The following RTEL1 variants were observed in gnomAD, a reference collection of about 807,000 sequenced individuals.
The protein encoded by RTEL1 is regulator of telomere elongation helicase 1, also known as regulator of telomere length.
RTEL1 carries 86 observed loss-of-function variants against 162.2 expected under a neutral mutation model. The ratio of observed to expected loss-of-function variants is 0.53; its 90% confidence interval spans 0.45 to 0.63. The LOEUF (loss-of-function observed/expected upper bound fraction) is 0.63, where lower values mean the gene tolerates loss of function less well. Ranked by LOEUF, RTEL1 falls within the 30% of genes least tolerant of loss-of-function variation. RTEL1 has a pLI of 0.00. For synonymous variants in RTEL1, 958 were observed against 717.9 expected (o/e 1.33, Z -5.35); for missense variants, 1,941 against 1,750.2 (o/e 1.11, Z -1.95).
chr20:63,694,493 C>T lies in RTEL1; in HGVS notation c.3109+5C>T, dbSNP rs372267276. ...CGCCCAGGCCACCCCCAACAGGTAG[C>T]TGACTCCTGAACCGTGTGCAGCCTA... On this transcript the variant is annotated splice_donor_5th_base_variant and intron_variant, in intron 31 of 34. Transcript: ENST00000360203. The T allele has an allele frequency of 3.7e-5, 58 of 1,587,630 alleles. No homozygotes were observed. The highest frequency in any genetic ancestry group is 4.7e-5 in the Non-Finnish European group (55 of 1,159,484).
chr20:63,688,873 G>A, intron 21 of RTEL1, 182 bp from the exon 22 acceptor site: 1 of 692,568 alleles, frequency 1.4e-6, no homozygotes, highest in Non-Finnish European at 2.5e-6. Flanking sequence ...TGTTTTCTGG[G>A]AAGCACTGAG....
chr20:63,677,919 G>A (rs2090388665), intron 10 of RTEL1, among the ~76,000 whole-genome samples: 1 of 102,076 alleles, frequency 9.8e-6, no homozygotes, highest in African/African-American at 4.0e-5. Flanking sequence ...GGCCTGCACG[G>A]ATTCTGTGTG....
chr20:63,689,019 G>T (rs777426860), intron 21 of RTEL1, 36 bp from the exon 22 acceptor site: 6 of 1,575,052 alleles, frequency 3.8e-6, no homozygotes, highest in South Asian at 2.2e-5. Context: ...GGCTGGGGGG[G>T]GGCTCCAGGC....
chr20:63,662,692 C>G, intron 5 of RTEL1, 65 bp downstream of exon 5: 2 of 1,606,170 alleles, frequency 1.2e-6, no homozygotes, highest in Non-Finnish European at 1.7e-6. Context: ...GTGTCCAGAG[C>G]CCCAGGCTGC....
intron 30 of RTEL1, 82 bp downstream of exon 30, chr20:63,693,365 C>CA: frequency 1.3e-6 from 2 of 1,545,174 alleles, no homozygotes; most frequent in South Asian, 2.3e-5. Flanking sequence ...TTGGGGTGGG[C>CA]ATCCTCGGGC....
rs1337456575 is a variant in RTEL1 at position 63,661,195 on chromosome 20, T to C, written c.103-103T>C. 5.6e-6 allele frequency: 6 copies of C among 1,078,996 alleles called. No individual in the cohort carries two copies. Among genetic ancestry groups the C allele is most frequent in the Admixed American group, 4.4e-5 (2 of 45,830 alleles). The allele number at this position is 1,078,996 out of a possible 1,614,324, so 66.8% of individuals were successfully genotyped here. ...GCCACCTGGCAGTGGCCTCTGCATCTGCAAAGAGCTGCCCGCTGGCTGCCG... is the reference window on the plus strand; with the variant it reads ...GCCACCTGGCAGTGGCCTCTGCATCCGCAAAGAGCTGCCCGCTGGCTGCCG... On this transcript the variant is annotated intron_variant, in intron 2 of 34. Transcript: ENST00000360203. The surrounding 1 kb of genome is among the most constrained non-coding windows in gnomAD (Gnocchi z 5.1).
chr20:63,689,717 G>C, intron 23 of RTEL1, 33 bp from the exon 24 acceptor site: 1 of 1,606,664 alleles, frequency 6.2e-7, no homozygotes, highest in South Asian at 1.1e-5. Flanking sequence ...GTGGCCAAGG[G>C]AGCCCCCGTG....
chr20:63,678,425 T>C, intron 12 of RTEL1, 79 bp downstream of exon 12: 1 of 1,360,028 alleles, frequency 7.4e-7, no homozygotes, highest in Non-Finnish European at 1.0e-6. Flanking sequence ...TCCTGGGCTG[T>C]CACATCACGA....
intron 30 of RTEL1, among the ~76,000 whole-genome samples, chr20:63,693,912 C>T (rs1345215574): frequency 6.6e-6 from 1 of 150,874 alleles, no homozygotes; most frequent in Non-Finnish European, 1.5e-5. Context: ...GTCAACTGCA[C>T]ACGCCAGGGT....
chr20:63,695,820 C>G lies in RTEL1; in HGVS notation c.3865C>G (p.Gln1289Glu). The change falls in exon 35 of 35, where the codon CAG becomes GAG. Residue 1289 changes from glutamine to glutamate, a missense_variant. By Grantham distance (29) the Gln-to-Glu change is conservative. Transcript: ENST00000360203. ...AGCCTGCCACACCGCCTCCAGGAAG[C>G]AGAGCGTCATGCAGGTCTTCTGGCC... Reference protein sequence around the residue: ...CPACHTASRKQSVMQVFWPEP... With the variant: ...CPACHTASRKESVMQVFWPEP... The G allele has an allele frequency of 6.2e-7, 1 of 1,600,528 alleles. No individual in the cohort carries two copies. Among genetic ancestry groups the G allele is most frequent in the Non-Finnish European group, 8.5e-7 (1 of 1,174,984 alleles).
intron 20 of RTEL1, 43 bp downstream of exon 20, chr20:63,688,429 G>C: frequency 6.2e-7 from 1 of 1,607,432 alleles, no homozygotes; most frequent in Non-Finnish European, 8.5e-7. Flanking sequence ...TGAGGGCAGG[G>C]CTGGAGCATG....
chr20:63,672,941 C>T (rs1289019068), intron 9 of RTEL1, among the ~76,000 whole-genome samples: 1 of 152,220 alleles, frequency 6.6e-6, no homozygotes, highest in African/African-American at 2.4e-5. Flanking sequence ...TCGGCAGCAG[C>T]AGGCTTGTGG....
In RTEL1 at chr20:63,692,949, G is replaced by T. The variant is rs781430438; in HGVS notation, c.2797G>T (p.Ala933Ser). The T allele has an allele frequency of 1.2e-5, 20 of 1,612,514 alleles. No homozygotes were observed. In the Admixed American group the frequency reaches 3.3e-4, roughly 27 times the overall value. Reference sequence around the variant, plus strand: ...TTCCGATGACTTCGCCGCCCTGGCCGCCTGTCTCGGCCCCCTCTTTGCTGA... The same window carrying T: ...TTCCGATGACTTCGCCGCCCTGGCCTCCTGTCTCGGCCCCCTCTTTGCTGA... ...KGSDDFAALA[A>S]CLGPLFAEDP... is the part of the protein sequence containing the mutation. The change falls in exon 29 of 35, where the codon GCC becomes TCC. Residue 933 changes from alanine to serine, a missense_variant. By Grantham distance (99) the Ala-to-Ser change is moderately conservative. Coordinates refer to ENST00000360203, the MANE Select transcript of RTEL1 (RefSeq NM_001283009.2).
At chr20:63,660,186 C>T (rs1229419875) in intron 2 of RTEL1, among the ~76,000 whole-genome samples, 3 of 152,224 alleles carry the variant, frequency 2.0e-5, no homozygotes, top group Admixed American at 2.0e-4. Flanking sequence ...CAGGGGCAGG[C>T]AGGAGACAGT....
At chr20:63,693,434 C>A in intron 30 of RTEL1, 151 bp downstream of exon 30, 1 of 828,012 alleles carries the variant, frequency 1.2e-6, no homozygotes, top group Non-Finnish European at 1.9e-6. Context: ...CCACCTCCAC[C>A]ACCAGCACCA....
rs762388949 is a variant in RTEL1, at chr20:63,662,613, A to G, written c.463A>G (p.Ser155Gly). Reference sequence around the variant, plus strand: ...CCATCCTGAGGTGAAGAAACAAGAGAGTAACCATCTACAGGTAGGCTCCTG... The same window carrying G: ...CCATCCTGAGGTGAAGAAACAAGAGGGTAACCATCTACAGGTAGGCTCCTG... ...CIHPEVKKQESNHLQIHLCRK... is the reference protein window; with the variant it reads ...CIHPEVKKQEGNHLQIHLCRK... Residue 155 changes from serine to glycine, a missense_variant, in exon 5 of 35, where the codon AGT (serine) becomes GGT (glycine). Transcript: ENST00000360203. The G allele has an allele frequency of 2.1e-5, 34 of 1,613,962 alleles. No individual in the cohort carries two copies. The highest frequency in any genetic ancestry group is 3.3e-4 in the Middle Eastern group (2 of 6,062).
Position 63,692,906 on chromosome 20 carries a change from C to T in RTEL1, c.2754C>T (p.Ala918=). 1 of 1,612,680 alleles carries T rather than the reference C, an allele frequency of 6.2e-7. No individual in the cohort carries two copies. Among genetic ancestry groups the T allele is most frequent in the South Asian group, 1.1e-5 (1 of 91,090 alleles). The change falls in exon 29 of 35, where the codon GCC becomes GCT. Residue 918 remains alanine (A), a synonymous_variant. Coordinates refer to ENST00000360203, the MANE Select transcript of RTEL1 (RefSeq NM_001283009.2). ...CCAACTTTGCCACCTTCACCCAGGC[C>T]CTGCAGGACTACAAGGGTTCCGATG... The part of the protein sequence containing the change: ...SQANFATFTQ[A]LQDYKGSDDF...
At chr20:63,666,946 T>C (rs1277455253) in intron 7 of RTEL1, among the ~76,000 whole-genome samples, 2 of 151,112 alleles carry the variant, frequency 1.3e-5, no homozygotes, top group Admixed American at 6.6e-5. Context: ...TTCACGCCAT[T>C]CTCCTGCCTC....
chr20:63,694,237 G>A (rs1234722929), intron 30 of RTEL1, 135 bp from the exon 31 acceptor site: 6 of 740,558 alleles, frequency 8.1e-6, no homozygotes, highest in East Asian at 2.5e-5. Flanking sequence ...GCACCCAGGC[G>A]TGTACCTGCC....
Sources: allele counts gnomAD v4.1 joint callset (sites outside exome capture counted in the v4.1 genomes callset), GRCh38; gene constraint gnomAD v4.1.1; non-coding constraint Gnocchi (gnomAD v3.1); transcripts MANE v1.5; gene names NCBI Gene and HGNC (gene_info 2026-07-23, HGNC 2026-07-21).